NEGR1: variants seen among roughly 807,000 people sequenced by gnomAD.
NEGR1 encodes IgLON family member 4.
Under a neutral mutation model 40.9 loss-of-function variants are expected in NEGR1, and 10 were observed. The observed-to-expected ratio is 0.24, with a 90% confidence interval of 0.15 to 0.42. The LOEUF is 0.42. Ranked by LOEUF, NEGR1 falls within the 10% of genes least tolerant of loss-of-function variation. The probability of loss-of-function intolerance (pLI) is 1.00; values close to 1 mark genes in which losing one functional copy is unlikely to be tolerated. For missense variants in NEGR1, 352 were observed against 438.9 expected (o/e 0.80, Z 1.77); for synonymous variants, 185 against 166.8 (o/e 1.11, Z -0.84).
intron 2 of NEGR1, among the ~76,000 whole-genome samples, chr1:71,802,411 T>A (rs1657594999): frequency 6.6e-6 from 1 of 152,166 alleles, no homozygotes; most frequent in African/African-American, 2.4e-5. Flanking sequence ...GTGATCATGC[T>A]TTATCCTACA....
intron 2 of NEGR1, among the ~76,000 whole-genome samples, chr1:71,883,017 T>A (rs1236108851): frequency 6.6e-6 from 1 of 152,144 alleles, no homozygotes; most frequent in Non-Finnish European, 1.5e-5. Context: ...TTACTTTTAC[T>A]TAACTCAATT....
At chr1:71,449,752 A>G (rs1646611593) in intron 6 of NEGR1, among the ~76,000 whole-genome samples, 2 of 152,098 alleles carry the variant, frequency 1.3e-5, no homozygotes, top group Admixed American at 1.3e-4. Flanking sequence ...GTTTGGGAAG[A>G]TTTATTGATA....
intron 2 of NEGR1, among the ~76,000 whole-genome samples, chr1:71,898,575 A>G (rs1486252169): frequency 1.3e-5 from 2 of 152,182 alleles, no homozygotes; most frequent in African/African-American, 4.8e-5. Context: ...AGATCGTGCC[A>G]CTGCACTCCA....
At chr1:71,656,507 G>A (rs1214525599) in intron 4 of NEGR1, among the ~76,000 whole-genome samples, 1 of 152,250 alleles carries the variant, frequency 6.6e-6, no homozygotes, top group Non-Finnish European at 1.5e-5. Flanking sequence ...CCACCTCCCG[G>A]GTTCACGCCA....
At position 71,799,655 on chromosome 1, in the gene NEGR1, C is replaced by A. The variant is rs1033893821; in HGVS notation, c.410-23358G>T. On this transcript the variant is annotated intron_variant, in intron 2 of 6. Coordinates refer to ENST00000357731, the MANE Select transcript of NEGR1 (RefSeq NM_173808.3). ...ACAATGGCTGAAATAACTTACACTC[C>A]CACCAACAGTATAAAAGTGTTCTTA... Among the ~76,000 whole-genome samples the A allele has an allele frequency of 3.3e-5, 5 of 152,156 alleles. No homozygotes were observed. In the South Asian group the frequency reaches 6.2e-4, roughly 19 times the overall value.
At chr1:71,861,606 C>T (rs553935690) in intron 2 of NEGR1, among the ~76,000 whole-genome samples, 12 of 152,108 alleles carry the variant, frequency 7.9e-5, no homozygotes, top group African/African-American at 2.2e-4. Flanking sequence ...TAGCACAATT[C>T]AGTAAGTAAT....
chr1:71,521,820 TGA>T (rs998594984), intron 6 of NEGR1, among the ~76,000 whole-genome samples: 1 of 151,902 alleles, frequency 6.6e-6, no homozygotes, highest in African/African-American at 2.4e-5. Flanking sequence ...AAACAACACT[TGA>T]GAGTCTTCAG....
intron 1 of NEGR1, among the ~76,000 whole-genome samples, chr1:72,106,233 G>A (rs1054486155): frequency 6.6e-6 from 1 of 152,002 alleles, no homozygotes; most frequent in African/African-American, 2.4e-5. Flanking sequence ...CAAAAGGATT[G>A]GGAGCTTGGT....
At chr1:71,588,181 G>A (rs1248078613) in intron 6 of NEGR1, among the ~76,000 whole-genome samples, 2 of 152,108 alleles carry the variant, frequency 1.3e-5, no homozygotes, top group Admixed American at 6.6e-5. Flanking sequence ...TCAGTTCATA[G>A]TCTTTAAAAA....
At chr1:71,925,094 T>TA (rs1645759762) in intron 2 of NEGR1, among the ~76,000 whole-genome samples, 1 of 152,104 alleles carries the variant, frequency 6.6e-6, no homozygotes, top group South Asian at 2.1e-4. Flanking sequence ...TAAAATAAAA[T>TA]AAAATAAGAC....
chr1:71,885,431 T>G (rs1660697761), intron 2 of NEGR1, among the ~76,000 whole-genome samples: 1 of 152,224 alleles, frequency 6.6e-6, no homozygotes, highest in Non-Finnish European at 1.5e-5. Flanking sequence ...GACATCTACT[T>G]GTTTAGTTTT....
intron 3 of NEGR1, among the ~76,000 whole-genome samples, chr1:71,720,044 C>A (rs1013447887): frequency 3.3e-5 from 5 of 152,094 alleles, no homozygotes; most frequent in Admixed American, 3.3e-4. Context: ...GGAATACAAT[C>A]TTATTTTCTG....
At position 71,757,513 on chromosome 1, in the gene NEGR1, G is replaced by A. The variant is rs563879939; in HGVS notation, c.535+18659C>T. Among the ~76,000 whole-genome samples, 11 of 152,124 alleles carry A rather than the reference G, an allele frequency of 7.2e-5. No homozygotes were observed. The South Asian group carries it at 1.2e-3, about 17-fold the overall frequency. On this transcript the variant is annotated intron_variant, in intron 3 of 6. Transcript: ENST00000357731. ...TGGTTCCTTTATTCTAATGCCAACC[G>A]CTTAGGAAGCTATAGCTGTGTGAAA...
chr1:71,879,272 A>G (rs1305496404), intron 2 of NEGR1, among the ~76,000 whole-genome samples: 4 of 152,192 alleles, frequency 2.6e-5, no homozygotes, highest in African/African-American at 9.6e-5. Flanking sequence ...ATTGAGGCTA[A>G]GGACCAAATT....
chr1:72,152,188 T>G (rs1326962236), intron 1 of NEGR1, among the ~76,000 whole-genome samples: 1 of 151,738 alleles, frequency 6.6e-6, no homozygotes, highest in East Asian at 1.9e-4. Context: ...CTAATTAAAT[T>G]AAAAAGTAAA....
chr1:71,754,131 A>G (rs1655656446), intron 3 of NEGR1, among the ~76,000 whole-genome samples: 1 of 152,174 alleles, frequency 6.6e-6, no homozygotes, highest in Non-Finnish European at 1.5e-5. Context: ...TGTGTTCCTC[A>G]GAAGTGACAG....
chr1:71,871,434 A>T (rs767861437), intron 2 of NEGR1, among the ~76,000 whole-genome samples: 2 of 152,120 alleles, frequency 1.3e-5, no homozygotes, highest in Non-Finnish European at 2.9e-5. Context: ...ACCATTTTAA[A>T]TATCATGAGA....
At chr1:71,732,320 A>T (rs757966971) in intron 3 of NEGR1, among the ~76,000 whole-genome samples, 1 of 152,110 alleles carries the variant, frequency 6.6e-6, no homozygotes, top group Non-Finnish European at 1.5e-5. Flanking sequence ...GACCTTATCT[A>T]AAACAAACAA....
intron 2 of NEGR1, among the ~76,000 whole-genome samples, chr1:71,809,171 C>T (rs749522840): frequency 1.3e-5 from 2 of 152,116 alleles, no homozygotes; most frequent in Non-Finnish European, 2.9e-5. Flanking sequence ...CCAATTTATT[C>T]GTGTTGCAAA....
Sources: gnomAD v4.1 joint callset for allele counts (sites outside exome capture counted in the v4.1 genomes callset) on GRCh38, gnomAD v4.1.1 for gene constraint, MANE v1.5 for transcripts, NCBI Gene and HGNC (gene_info 2026-07-23, HGNC 2026-07-21) for gene names.